Variants in SNX15 observed in about 807,000 individuals in gnomAD.
SNX15 encodes sorting nexin 15.
A neutral mutation model predicts 35.2 loss-of-function variants in SNX15; 29 were observed. The ratio of observed to expected loss-of-function variants is 0.82; its 90% confidence interval spans 0.61 to 1.12. The LOEUF (loss-of-function observed/expected upper bound fraction) is 1.12. Ranked by LOEUF, SNX15 falls within the 50% of genes most tolerant of loss-of-function variation. The pLI, the probability that SNX15 is intolerant of heterozygous loss-of-function variation, is 0.00. For missense variants in SNX15, 400 were observed against 451.5 expected, an observed-to-expected ratio of 0.89 and a Z score of 1.03; for synonymous variants, 189 against 188.2, an observed-to-expected ratio of 1.00 and a Z score of -0.03.
At chr11:65,032,284 G>A (rs1384717400) in intron 2 of SNX15, 81 bp downstream of exon 2, 1 of 1,567,382 alleles carries the variant, frequency 6.4e-7, no homozygotes, top group Non-Finnish European at 8.8e-7. Flanking sequence ...AACTCTGCTT[G>A]GACATCGGCC....
chr11:65,034,824 G>A, intron 3 of SNX15, 23 bp from the exon 4 acceptor site: 1 of 1,599,810 alleles, frequency 6.3e-7, no homozygotes, highest in South Asian at 1.1e-5. Context: ...ACTCTCCCCT[G>A]TTCCTTGTCC....
At chr11:65,036,826 AC>A (rs1300936173) in intron 6 of SNX15, 1 of 150,782 alleles carries the variant, frequency 6.6e-6, no homozygotes, top group African/African-American at 2.5e-5. Flanking sequence ...GGCGCGCGCC[AC>A]CACGCCTGGC....
At position 65,035,619 on chromosome 11, in the gene SNX15, T is replaced by A. The variant is rs578124998; in HGVS notation, c.620T>A (p.Leu207His). The change falls in exon 6 of 8, where the codon CTC (leucine) becomes CAC (histidine). Residue 207 changes from leucine (L) to histidine (H), a missense_variant. Leu to His is a moderately conservative substitution (Grantham distance 99). Coordinates refer to ENST00000377244, the MANE Select transcript of SNX15 (RefSeq NM_013306.5). ...TCTGGTTCCCCTGCCCGAGGCCCCC[T>A]CACCGAGGCTGAGCTTGCCCTCTTC... ...EASGSPARGPLTEAELALFDP... is the reference protein window; with the variant it reads ...EASGSPARGPHTEAELALFDP... The A allele has an allele frequency of 3.3e-5, 54 of 1,613,690 alleles. No individual in the cohort carries two copies. Among genetic ancestry groups the A allele is most frequent in the Non-Finnish European group, 4.2e-5 (49 of 1,179,782 alleles).
chr11:65,035,692 C>A (rs1447576108), intron 6 of SNX15, 29 bp downstream of exon 6: 2 of 1,579,236 alleles, frequency 1.3e-6, no homozygotes, highest in South Asian at 2.3e-5. Flanking sequence ...CGGGAAGGAG[C>A]CAGGGCAGGA....
At chr11:65,031,648 A>C (rs1224080671) in intron 1 of SNX15, among the ~76,000 whole-genome samples, 1 of 152,234 alleles carries the variant, frequency 6.6e-6, no homozygotes, top group Non-Finnish European at 1.5e-5. Flanking sequence ...TCACGCCTGT[A>C]ATCCCAGCAC....
intron 5 of SNX15, 83 bp downstream of exon 5, chr11:65,035,289 C>A: frequency 7.2e-7 from 1 of 1,379,632 alleles, no homozygotes; most frequent in Non-Finnish European, 9.8e-7. Flanking sequence ...AGTGATCTTA[C>A]TGAGAAATGT....
In SNX15 at chr11:65,035,522, GACCCCCC is replaced by G. The variant is rs1946491443; in HGVS notation, c.527_533del (p.Pro176HisfsTer92). The G allele has an allele frequency of 6.3e-7, 1 of 1,586,270 alleles. No individual in the cohort carries two copies. Among genetic ancestry groups the G allele is most frequent in the Non-Finnish European group, 8.5e-7 (1 of 1,170,010 alleles). ...GACCCCACTTATCTCTTCCTCAGTG[GACCCCCC>G]ACCATCCAGCCCTGCCCAGGAGGCC... On this transcript the variant is annotated frameshift_variant, in exon 6 of 8. Coordinates refer to ENST00000377244, the MANE Select transcript of SNX15 (RefSeq NM_013306.5). LOFTEE classifies it high-confidence loss of function.
rs559344677 is a variant in SNX15, at chr11:65,029,631, C to T, written c.99+1995C>T. ...TTGCTCTGTCGCCCAGGCTGGAGTA[C>T]AGTGGTGTGATCTCAGCTCACTGTA... is the stretch of plus-strand genomic sequence containing the variant. On this transcript the variant is annotated intron_variant, in intron 1 of 7. Coordinates refer to ENST00000377244, the MANE Select transcript of SNX15 (RefSeq NM_013306.5). Among the ~76,000 whole-genome samples, 43 of 151,624 alleles carry T rather than the reference C, an allele frequency of 2.8e-4. 1 individual carries two copies. In the South Asian group the frequency reaches 7.3e-3, roughly 26 times the overall value.
intron 3 of SNX15, among the ~76,000 whole-genome samples, chr11:65,033,261 G>C (rs984555942): frequency 4.0e-5 from 6 of 151,836 alleles, no homozygotes; most frequent in African/African-American, 1.4e-4. Context: ...AAATTAACTT[G>C]TGGCTAGGTG....
At chr11:65,032,080 G>A (rs1175953242) in intron 1 of SNX15, 88 bp from the exon 2 acceptor site, 20 of 1,320,578 alleles carry the variant, frequency 1.5e-5, no homozygotes, top group Non-Finnish European at 1.9e-5. Context: ...CCCGTGAGGG[G>A]GACTAGGAGG....
At chr11:65,039,169 G>A (rs1465508842) in intron 7 of SNX15, among the ~76,000 whole-genome samples, 1 of 147,126 alleles carries the variant, frequency 6.8e-6, no homozygotes, top group African/African-American at 2.5e-5. Context: ...GATTACAGGC[G>A]CCCACCACCA....
At chr11:65,035,337 A>G in intron 5 of SNX15, 131 bp downstream of exon 5, 3 of 1,240,804 alleles carry the variant, frequency 2.4e-6, no homozygotes, top group Non-Finnish European at 3.4e-6. Context: ...TGGCTGAGGA[A>G]CTTTGGGCAG....
chr11:65,039,282 G>T (rs1946546570), intron 7 of SNX15, among the ~76,000 whole-genome samples: 1 of 150,084 alleles, frequency 6.7e-6, no homozygotes, highest in African/African-American at 2.5e-5. Flanking sequence ...GGAGTGCAGT[G>T]GCACAATCTT....
At chr11:65,028,224 T>C (rs1206693087) in intron 1 of SNX15, among the ~76,000 whole-genome samples, 1 of 152,010 alleles carries the variant, frequency 6.6e-6, no homozygotes, top group Non-Finnish European at 1.5e-5. Flanking sequence ...GAGGAAACCA[T>C]GACAATAATT....
chr11:65,039,469 ACCT>A (rs922784608), intron 7 of SNX15, among the ~76,000 whole-genome samples: 1 of 151,188 alleles, frequency 6.6e-6, no homozygotes, highest in African/African-American at 2.4e-5. Context: ...TGATCCACCC[ACCT>A]CGGCCTCCCA....
chr11:65,035,666 A>G lies in SNX15; in HGVS notation c.664+3A>G, dbSNP rs751671167. On this transcript the variant is annotated splice_donor_region_variant and intron_variant, in intron 6 of 7. Transcript: ENST00000377244. ...CTTCGACCCCTTCTCCAAGGAAGGT[A>G]ATGAGCTGGGACAGCCGGGAAGGAG... The G allele has an allele frequency of 1.2e-6, 2 of 1,601,734 alleles. No homozygotes were observed. Among genetic ancestry groups the G allele is most frequent in the Non-Finnish European group, 1.7e-6 (2 of 1,174,068 alleles).
intron 3 of SNX15, 132 bp downstream of exon 3, chr11:65,032,683 G>A: frequency 9.3e-7 from 1 of 1,073,228 alleles, no homozygotes; most frequent in Non-Finnish European, 1.4e-6. Flanking sequence ...GGCCCTTAGA[G>A]ATGACCTCAT....
intron 3 of SNX15, among the ~76,000 whole-genome samples, chr11:65,032,788 C>G (rs1304267754): frequency 6.6e-6 from 1 of 152,172 alleles, no homozygotes; most frequent in African/African-American, 2.4e-5. Context: ...GTGGCTCACG[C>G]CTGTAATCCT....
At position 65,027,446 on chromosome 11, in the gene SNX15, T is replaced by G. The variant is rs1210503150; in HGVS notation, c.-92T>G. 2 of 963,086 alleles carry G rather than the reference T, an allele frequency of 2.1e-6. No individual in the cohort carries two copies. Among genetic ancestry groups the G allele is most frequent in the East Asian group, 4.8e-5 (2 of 41,728 alleles). The allele number at this position is 963,086 out of a possible 1,614,324, so 59.7% of individuals were successfully genotyped here. On this transcript the variant is annotated 5_prime_UTR_variant, in exon 1 of 8. Coordinates refer to ENST00000377244, the MANE Select transcript of SNX15 (RefSeq NM_013306.5). ...GGCCAGAGGAAGAAGAGCGCAGGCC[T>G]GGCGAGGCGGCGGCGGGCGGAGGCT...
Sources: allele counts gnomAD v4.1 joint callset (sites outside exome capture counted in the v4.1 genomes callset), GRCh38; gene constraint gnomAD v4.1.1; transcripts MANE v1.5; gene names NCBI Gene and HGNC (gene_info 2026-07-23, HGNC 2026-07-21).